RGS9: variants seen among roughly 807,000 people sequenced by gnomAD.
RGS9 encodes regulator of G protein signaling 9.
Under a neutral mutation model 102.0 loss-of-function variants are expected in RGS9, and 78 were observed. That is an observed-to-expected ratio of 0.76 (90% confidence interval 0.64 to 0.92). RGS9 has a LOEUF of 0.92. Ranked by LOEUF, RGS9 falls within the 40% of genes least tolerant of loss-of-function variation. RGS9 has a pLI of 0.00. For synonymous variants in RGS9, 353 were observed against 318.6 expected (o/e 1.11, Z -1.15); for missense variants, 833 against 866.1 (o/e 0.96, Z 0.48).
In RGS9 at chr17:65,225,384, C is replaced by G; in HGVS notation, c.1790C>G (p.Ala597Gly). 6.2e-7 allele frequency: 1 copy of G among 1,611,882 alleles called. No individual in the cohort carries two copies. Among genetic ancestry groups the G allele is most frequent in the African/African-American group, 1.3e-5 (1 of 75,060 alleles). Residue 597 changes from alanine (A) to glycine (G), a missense_variant, in exon 18 of 19, where the codon GCC becomes GGC. Transcript: ENST00000262406. ...RRGCLASPVF[A>G]RLSPKCPAVS... ...GGCTGTCTGGCCTCACCTGTCTTTGCCAGGCTCTCACCCAAGTGCCCTGCT... is the reference window on the plus strand; with the variant it reads ...GGCTGTCTGGCCTCACCTGTCTTTGGCAGGCTCTCACCCAAGTGCCCTGCT...
At chr17:65,159,994 A>G (rs1472330964) in intron 3 of RGS9, among the ~76,000 whole-genome samples, 1 of 152,184 alleles carries the variant, frequency 6.6e-6, no homozygotes, top group East Asian at 1.9e-4. Flanking sequence ...CCTAGTTCCC[A>G]TCTAGACTTA....
In RGS9 at chr17:65,226,889, A is replaced by C. The variant is rs376536603; in HGVS notation, c.1893-386A>C. ...CTCAGCCTCTCAAAGTGCTAAGATT[A>C]CAGGCATGAGCCACAGTGCCCAGCA... On this transcript the variant is annotated intron_variant, in intron 18 of 18. Coordinates refer to ENST00000262406, the MANE Select transcript of RGS9 (RefSeq NM_003835.4). Among the ~76,000 whole-genome samples the C allele has an allele frequency of 1.5e-3, 235 of 152,312 alleles. 1 individual carries two copies. The highest frequency in any genetic ancestry group is 5.2e-3 in the African/African-American group (218 of 41,560).
In RGS9 at chr17:65,154,098, G is replaced by A. The variant is rs536236246; in HGVS notation, c.154+580G>A. On this transcript the variant is annotated intron_variant, in intron 2 of 18. Coordinates refer to ENST00000262406, the MANE Select transcript of RGS9 (RefSeq NM_003835.4). ...GAGGCAGGTGGATCACCTGAGGTCG[G>A]GAGTTCGAGACCGGCCTGACCAACA... 3.3e-5 allele frequency among the ~76,000 whole-genome samples: 5 copies of A among 152,222 alleles called. No individual in the cohort carries two copies. The South Asian group carries it at 1.0e-3, about 32-fold the overall frequency.
At chr17:65,179,690 G>A (rs965464282) in intron 9 of RGS9, among the ~76,000 whole-genome samples, 1 of 143,396 alleles carries the variant, frequency 7.0e-6, no homozygotes, top group African/African-American at 2.8e-5. Context: ...TGTTGGGGGT[G>A]GTTAGGCAGG....
chr17:65,153,137 A>C (rs1910642075), intron 1 of RGS9, among the ~76,000 whole-genome samples: 1 of 152,108 alleles, frequency 6.6e-6, no homozygotes, highest in Non-Finnish European at 1.5e-5. Flanking sequence ...GTTCAGCAAA[A>C]TCCTTTCTTG....
chr17:65,145,568 A>T (rs199989254), intron 1 of RGS9, among the ~76,000 whole-genome samples: 3,191 of 119,142 alleles, frequency 0.027, 52 homozygotes, highest in East Asian at 0.086. Context: ...TTTTTTTAAT[A>T]TATTTTTAAT....
chr17:65,195,603 C>G (rs528727636), intron 12 of RGS9, among the ~76,000 whole-genome samples: 1 of 152,232 alleles, frequency 6.6e-6, no homozygotes, highest in African/African-American at 2.4e-5. Flanking sequence ...CGAAGTGCAT[C>G]GTGTCATTCA....
intron 17 of RGS9, among the ~76,000 whole-genome samples, chr17:65,216,410 CGGGCTGGT>C (rs1567893841): frequency 6.6e-6 from 1 of 152,122 alleles, no homozygotes; most frequent in Non-Finnish European, 1.5e-5. Flanking sequence ...GAGGCGGAGG[CGGGCTGGT>C]CATGAGGTCA....
chr17:65,174,548 TGTAA>T (rs906155738), intron 8 of RGS9, among the ~76,000 whole-genome samples: 3 of 151,702 alleles, frequency 2.0e-5, no homozygotes. Context: ...GATGTGTACA[TGTAA>T]GTGAGCATGT....
chr17:65,160,698 C>T, intron 5 of RGS9, 111 bp downstream of exon 5: 4 of 1,414,494 alleles, frequency 2.8e-6, no homozygotes, highest in East Asian at 2.4e-5. Flanking sequence ...TTCTGTCAGT[C>T]CACATCTGTA....
intron 7 of RGS9, among the ~76,000 whole-genome samples, chr17:65,164,147 C>T (rs1911087762): frequency 6.6e-6 from 1 of 152,158 alleles, no homozygotes; most frequent in Non-Finnish European, 1.5e-5. Context: ...CAGCCCCCAA[C>T]TCTCAGGGGC....
chr17:65,216,027 C>G (rs1420945428), intron 17 of RGS9, among the ~76,000 whole-genome samples: 2 of 152,110 alleles, frequency 1.3e-5, no homozygotes, highest in Non-Finnish European at 2.9e-5. Flanking sequence ...GTGATGGATC[C>G]TATCTGGAGG....
chr17:65,204,940 C>T (rs1404703954), intron 15 of RGS9, among the ~76,000 whole-genome samples: 3 of 152,148 alleles, frequency 2.0e-5, no homozygotes, highest in Non-Finnish European at 4.4e-5. Context: ...CTCTTAGTTT[C>T]TGCTGCAGAG....
At chr17:65,195,628 C>T (rs919770451) in intron 12 of RGS9, among the ~76,000 whole-genome samples, 8 of 152,132 alleles carry the variant, frequency 5.3e-5, no homozygotes, top group Non-Finnish European at 1.0e-4. Flanking sequence ...CCTTTGCATC[C>T]TCATAGCTTA....
chr17:65,189,222 T>C (rs905246866), intron 9 of RGS9, 64 bp from the exon 10 acceptor site: 2 of 1,349,328 alleles, frequency 1.5e-6, no homozygotes, highest in Admixed American at 3.5e-5. Flanking sequence ...ATTTTTCAAA[T>C]GGGTGTTTGA....
Position 65,137,617 on chromosome 17 carries a change from T to G in RGS9, c.57+20T>G. The G allele has an allele frequency of 6.2e-7, 1 of 1,612,746 alleles. No individual in the cohort carries two copies. Among genetic ancestry groups the G allele is most frequent in the Non-Finnish European group, 8.5e-7 (1 of 1,179,128 alleles). On this transcript the variant is annotated intron_variant, in intron 1 of 18. Transcript: ENST00000262406. ...CAAAAGGTAACCCTGGCCCCTCACC[T>G]GGACCCTGGGAGGAGGGCGGGGGAC...
chr17:65,179,799 A>AG (rs1297588927), intron 9 of RGS9, among the ~76,000 whole-genome samples: 1 of 151,944 alleles, frequency 6.6e-6, no homozygotes, highest in African/African-American at 2.4e-5. Flanking sequence ...GTCTTTACTG[A>AG]GGAGGCATCT....
chr17:65,191,382 G>A (rs1026117616), intron 11 of RGS9, among the ~76,000 whole-genome samples: 1 of 149,010 alleles, frequency 6.7e-6, no homozygotes, highest in Non-Finnish European at 1.5e-5. Flanking sequence ...TTTTTTTGTT[G>A]TTGTTGTTGT....
intron 9 of RGS9, among the ~76,000 whole-genome samples, chr17:65,183,676 A>G (rs1321667069): frequency 6.6e-6 from 1 of 151,978 alleles, no homozygotes; most frequent in African/African-American, 2.4e-5. Context: ...CTCTGCTCTC[A>G]ATGCCAGTGC....
Sources: allele counts gnomAD v4.1 joint callset (sites outside exome capture counted in the v4.1 genomes callset), GRCh38; gene constraint gnomAD v4.1.1; transcripts MANE v1.5; gene names NCBI Gene and HGNC (gene_info 2026-07-23, HGNC 2026-07-21).